Variants in GREM2 observed in about 807,000 individuals in gnomAD.
GREM2 encodes gremlin-2.
Under a neutral mutation model 14.2 loss-of-function variants are expected in GREM2, and 11 were observed. That is an observed-to-expected ratio of 0.78 (90% CI 0.49 to 1.28). The LOEUF (loss-of-function observed/expected upper bound fraction) is 1.28, where lower values mean the gene tolerates loss of function less well. Among genes scored for constraint, GREM2 ranks in the 50% most tolerant of loss-of-function variants. The probability of loss-of-function intolerance (pLI) is 0.00; values close to 1 mark genes in which losing one functional copy is unlikely to be tolerated. For synonymous variants in GREM2, 98 were observed against 97.6 expected, an observed-to-expected ratio of 1.00 and a Z score of -0.02; for missense variants, 210 against 218.5, an observed-to-expected ratio of 0.96 and a Z score of 0.24.
intron 1 of GREM2, among the ~76,000 whole-genome samples, chr1:240,582,165 C>T (rs1399576547): frequency 3.9e-5 from 6 of 152,308 alleles, no homozygotes; most frequent in Admixed American, 1.3e-4. Flanking sequence ...TGGCCGGGCT[C>T]GATGGCTCAT....
intron 1 of GREM2, among the ~76,000 whole-genome samples, chr1:240,528,467 T>C (rs1558150354): frequency 6.6e-6 from 1 of 152,174 alleles, no homozygotes; most frequent in East Asian, 1.9e-4. Flanking sequence ...ACCCTAATAT[T>C]TTAGAAACAT....
intron 1 of GREM2, chr1:240,550,017 T>G (rs1387075621): frequency 6.6e-6 from 1 of 152,358 alleles, no homozygotes; most frequent in African/African-American, 2.4e-5. Context: ...CACCGATTGT[T>G]TTTATTTATT....
intron 1 of GREM2, among the ~76,000 whole-genome samples, chr1:240,590,988 G>T (rs540774190): frequency 1.3e-5 from 2 of 151,076 alleles, no homozygotes; most frequent in Non-Finnish European, 3.0e-5. Context: ...CACCAGGTTG[G>T]CCAGGCTGGT....
At chr1:240,609,597 TC>T (rs897512089) in intron 1 of GREM2, among the ~76,000 whole-genome samples, 1 of 152,106 alleles carries the variant, frequency 6.6e-6, no homozygotes, top group African/African-American at 2.4e-5. Context: ...TTGAAATAAT[TC>T]TTTTTTGTCC....
At chr1:240,503,116 G>A (rs1172589322) in intron 1 of GREM2, among the ~76,000 whole-genome samples, 1 of 152,158 alleles carries the variant, frequency 6.6e-6, no homozygotes, top group Non-Finnish European at 1.5e-5. Context: ...AGCACAAAAT[G>A]GAAAGCAACT....
chr1:240,512,018 A>G (rs902213565), intron 1 of GREM2, among the ~76,000 whole-genome samples: 3 of 152,214 alleles, frequency 2.0e-5, no homozygotes, highest in Non-Finnish European at 4.4e-5. Flanking sequence ...CAGGGAAAAG[A>G]ACATGTGCTT....
At chr1:240,532,135 G>A (rs1678375348) in intron 1 of GREM2, among the ~76,000 whole-genome samples, 2 of 151,852 alleles carry the variant, frequency 1.3e-5, no homozygotes, top group African/African-American at 2.4e-5. Context: ...GCAGGCTAGA[G>A]TGCAGTGGCA....
rs544159166 is a variant in GREM2 at position 240,497,452 on chromosome 1, G to A, written c.-1-3976C>T. On this transcript the variant is annotated intron_variant, in intron 1 of 1. Coordinates refer to ENST00000318160, the MANE Select transcript of GREM2 (RefSeq NM_022469.4). The stretch of plus-strand genomic sequence containing the variant: ...CCAATGGCCACAAAGTATAGTGAGG[G>A]CGAAAGGGAAAAGCATCGGTTCTAC... Among the ~76,000 whole-genome samples, 87 of 152,062 alleles carry A rather than the reference G, an allele frequency of 5.7e-4. 1 individual carries two copies. In the South Asian group the frequency reaches 0.017, roughly 31 times the overall value.
intron 1 of GREM2, among the ~76,000 whole-genome samples, chr1:240,562,720 T>TGC (rs1679069024): frequency 6.6e-6 from 1 of 151,866 alleles, no homozygotes; most frequent in Non-Finnish European, 1.5e-5. Flanking sequence ...TGTGTGTGTG[T>TGC]GTGTGTATGT....
At chr1:240,562,190 C>A (rs1679052715) in intron 1 of GREM2, among the ~76,000 whole-genome samples, 2 of 152,220 alleles carry the variant, frequency 1.3e-5, no homozygotes, top group East Asian at 1.9e-4. Context: ...ATTTGGAGGG[C>A]AGATGATGCA....
chr1:240,519,614 T>A (rs1401043627), intron 1 of GREM2, among the ~76,000 whole-genome samples: 1 of 152,224 alleles, frequency 6.6e-6, no homozygotes, highest in East Asian at 1.9e-4. Context: ...TATTCTTTCT[T>A]CCTCCATCCT....
chr1:240,561,735 T>C (rs1005390939), intron 1 of GREM2, among the ~76,000 whole-genome samples: 3 of 138,320 alleles, frequency 2.2e-5, no homozygotes, highest in Admixed American at 7.2e-5. Context: ...CAAACTGCCA[T>C]AGGAACTGTG....
intron 1 of GREM2, among the ~76,000 whole-genome samples, chr1:240,533,194 T>A (rs1678402690): frequency 6.6e-6 from 1 of 152,086 alleles, no homozygotes; most frequent in Non-Finnish European, 1.5e-5. Context: ...AAAATGAAAA[T>A]CACTTCCTAT....
intron 1 of GREM2, among the ~76,000 whole-genome samples, chr1:240,514,269 A>G (rs1677901877): frequency 1.5e-5 from 2 of 137,774 alleles, no homozygotes; most frequent in East Asian, 2.2e-4. Flanking sequence ...AAAAAAAAAA[A>G]GCGTTTCAGA....
intron 1 of GREM2, among the ~76,000 whole-genome samples, chr1:240,573,743 T>C (rs1456146211): frequency 6.6e-6 from 1 of 152,152 alleles, no homozygotes; most frequent in Admixed American, 6.5e-5. Context: ...ATTAATGCTT[T>C]CCAAGTGACT....
In GREM2 at chr1:240,493,393, C is replaced by T. The variant is rs1677314958; in HGVS notation, c.83G>A (p.Gly28Asp). Residue 28 changes from glycine (G) to aspartate (D), a missense_variant, in exon 2 of 2, where the codon GGC becomes GAC. Gly to Asp is a moderately conservative substitution (Grantham distance 94). Coordinates refer to ENST00000318160, the MANE Select transcript of GREM2 (RefSeq NM_022469.4). Reference sequence around the variant, plus strand: ...GTCCTTGTAAGGCGAGGGGATGGCGCCCGCCGGCCGGTTCTTCCGGGCTTC... The same window carrying T: ...GTCCTTGTAAGGCGAGGGGATGGCGTCCGCCGGCCGGTTCTTCCGGGCTTC... ...VAEARKNRPA[G>D]AIPSPYKDGS... 6.2e-7 allele frequency: 1 copy of T among 1,613,426 alleles called. No homozygotes were observed.
At chr1:240,561,693 T>TACACACACACACACAC (rs541661990) in intron 1 of GREM2, among the ~76,000 whole-genome samples, 53 of 145,720 alleles carry the variant, frequency 3.6e-4, no homozygotes, top group African/African-American at 1.1e-3. Flanking sequence ...TAATCCTGCA[T>TACACACACACACACAC]ACACACACAC....
At chr1:240,606,378 G>A (rs1368008205) in intron 1 of GREM2, among the ~76,000 whole-genome samples, 1 of 152,196 alleles carries the variant, frequency 6.6e-6, no homozygotes, top group Non-Finnish European at 1.5e-5. Flanking sequence ...AAAAATTTGA[G>A]CTATTACAAT....
At chr1:240,610,351 G>C (rs553302805) in intron 1 of GREM2, among the ~76,000 whole-genome samples, 1 of 152,226 alleles carries the variant, frequency 6.6e-6, no homozygotes, top group African/African-American at 2.4e-5. Context: ...ATATTCACTT[G>C]CCATGTCTAT....
Sources: gnomAD v4.1 joint callset for allele counts (sites outside exome capture counted in the v4.1 genomes callset) on GRCh38, gnomAD v4.1.1 for gene constraint, MANE v1.5 for transcripts, NCBI Gene and HGNC (gene_info 2026-07-23, HGNC 2026-07-21) for gene names.